STEAP4: variants seen among roughly 807,000 people sequenced by gnomAD.
The protein encoded by STEAP4 is STEAP4 metalloreductase.
A neutral mutation model predicts 43.6 loss-of-function variants in STEAP4; 36 were observed. The ratio of observed to expected loss-of-function variants is 0.83; its 90% CI spans 0.63 to 1.09. The LOEUF (loss-of-function observed/expected upper bound fraction) is 1.09, where lower values mean the gene tolerates loss of function less well. Among genes scored for constraint, STEAP4 ranks in the 50% least tolerant of loss-of-function variants. The pLI is 0.00. For missense variants in STEAP4, 495 were observed against 546.5 expected (o/e 0.91, Z 0.94); for synonymous variants, 191 against 196.7 (o/e 0.97, Z 0.24).
In STEAP4 at chr7:88,283,868, A is replaced by T; in HGVS notation, c.402T>A (p.Phe134Leu). 1.2e-6 allele frequency: 2 copies of T among 1,614,146 alleles called. No individual in the cohort carries two copies. The highest frequency in any genetic ancestry group is 1.7e-6 in the Non-Finnish European group (2 of 1,180,030). Residue 134 changes from phenylalanine (F) to leucine (L), a missense_variant, in exon 2 of 5, where the codon TTT (phenylalanine) becomes TTA (leucine). Transcript: ENST00000380079. ...GGAGAGCCCAGGCTGAGATGGTGTTAAATGCTTTTACCACGTGGGCTCCTG... is the reference window on the plus strand; with the variant it reads ...GGAGAGCCCAGGCTGAGATGGTGTTTAATGCTTTTACCACGTGGGCTCCTG... ...LVPGAHVVKAFNTISAWALQS... is the reference protein window; with the variant it reads ...LVPGAHVVKALNTISAWALQS...
Position 88,280,210 on chromosome 7 carries a change from T to C in STEAP4, c.1150-582A>G, listed in dbSNP as rs114185924. Among the ~76,000 whole-genome samples the C allele has an allele frequency of 3.0e-3, 456 of 152,358 alleles. 3 individuals carry two copies. Among genetic ancestry groups the C allele is most frequent in the African/African-American group, 0.011 (442 of 41,584 alleles). Reference sequence around the variant, plus strand: ...ATTGCAAGACTTAAGATTCCAATAGTTCTATAAAATTCTAACCTAATTTTA... The same window carrying C: ...ATTGCAAGACTTAAGATTCCAATAGCTCTATAAAATTCTAACCTAATTTTA... On this transcript the variant is annotated intron_variant, in intron 4 of 4. Coordinates refer to ENST00000380079, the MANE Select transcript of STEAP4 (RefSeq NM_024636.4).
intron 4 of STEAP4, among the ~76,000 whole-genome samples, chr7:88,279,938 G>A (rs1257011712): frequency 6.6e-6 from 1 of 152,154 alleles, no homozygotes; most frequent in Non-Finnish European, 1.5e-5. Flanking sequence ...TCCCAAAGGT[G>A]AAACTCTTTT....
intron 1 of STEAP4, among the ~76,000 whole-genome samples, chr7:88,286,698 G>T (rs748203293): frequency 6.6e-6 from 1 of 151,908 alleles, no homozygotes; most frequent in Non-Finnish European, 1.5e-5. Context: ...GCAACAGAGT[G>T]AGACTCTGTC....
At position 88,277,264 on chromosome 7, in the gene STEAP4, C is replaced by T. The variant is rs1852526946; in HGVS notation, c.*2134G>A. 1 of 152,154 alleles carries T rather than the reference C, an allele frequency of 6.6e-6. No homozygotes were observed. Among genetic ancestry groups the T allele is most frequent in the Non-Finnish European group, 1.5e-5 (1 of 68,038 alleles). 9.4% of individuals were successfully genotyped at this position (152,154 alleles called of 1,614,324 possible). A position where few individuals can be genotyped will look rare whatever the true frequency, so the allele number is the denominator to read the frequency against. ...CTCAATGTCGTCCAACTTTTTGTAT[C>T]CTTGCTTGGGTTTATCAAAGATAAG... On this transcript the variant is annotated 3_prime_UTR_variant, in exon 5 of 5. Coordinates refer to ENST00000380079, the MANE Select transcript of STEAP4 (RefSeq NM_024636.4).
At position 88,278,744 on chromosome 7, in the gene STEAP4, C is replaced by T. The variant is rs1001851649; in HGVS notation, c.*654G>A. 1.3e-5 allele frequency: 2 copies of T among 152,778 alleles called. No individual in the cohort carries two copies. Among genetic ancestry groups the T allele is most frequent in the African/African-American group, 4.8e-5 (2 of 41,398 alleles). 9.5% of individuals were successfully genotyped at this position (152,778 alleles called of 1,614,324 possible). A position where few individuals can be genotyped will look rare whatever the true frequency, so the allele number is the denominator to read the frequency against. On this transcript the variant is annotated 3_prime_UTR_variant, in exon 5 of 5. Coordinates refer to ENST00000380079, the MANE Select transcript of STEAP4 (RefSeq NM_024636.4). ...GAATTACATGCCAGCTCTATAGATACGTATGTATCCAAGACATGGATACTT... is the reference window on the plus strand; with the variant it reads ...GAATTACATGCCAGCTCTATAGATATGTATGTATCCAAGACATGGATACTT...
At chr7:88,288,653 A>G (rs1852781380) in intron 1 of STEAP4, among the ~76,000 whole-genome samples, 1 of 152,232 alleles carries the variant, frequency 6.6e-6, no homozygotes, top group African/African-American at 2.4e-5. Context: ...GCAATGTCAT[A>G]ATGAAGATAA....
In STEAP4 at chr7:88,276,571, A is replaced by G. The variant is rs1852516419; in HGVS notation, c.*2827T>C. ...TATCAGCAGTAAAGAAGTTTAGTTT[A>G]ACTTTTTTTTTAAATGTAAAATAGT... is the stretch of plus-strand genomic sequence containing the variant. On this transcript the variant is annotated 3_prime_UTR_variant, in exon 5 of 5. Coordinates refer to ENST00000380079, the MANE Select transcript of STEAP4 (RefSeq NM_024636.4). 6.6e-6 allele frequency: 1 copy of G among 152,332 alleles called. No homozygotes were observed. Among genetic ancestry groups the G allele is most frequent in the Admixed American group, 6.5e-5 (1 of 15,288 alleles). 9.4% of individuals were successfully genotyped at this position (152,332 alleles called of 1,614,324 possible).
At chr7:88,284,961 T>G (rs1255201487) in intron 1 of STEAP4, among the ~76,000 whole-genome samples, 1 of 151,988 alleles carries the variant, frequency 6.6e-6, no homozygotes, top group Non-Finnish European at 1.5e-5. Flanking sequence ...TCCAACAAAG[T>G]CAGGAACCAG....
rs1437378511 is a variant in STEAP4, at chr7:88,274,712, G to A, written c.*4686C>T. On this transcript the variant is annotated 3_prime_UTR_variant, in exon 5 of 5. Transcript: ENST00000380079. ...AGTTATAGTTATTTCTTGATTATAT[G>A]CTAAACAAGGGATGGATTATTCATG... The A allele has an allele frequency of 6.6e-6, 1 of 152,194 alleles. No individual in the cohort carries two copies. Among genetic ancestry groups the A allele is most frequent in the East Asian group, 1.9e-4 (1 of 5,198 alleles). 9.4% of individuals were successfully genotyped at this position (152,194 alleles called of 1,614,324 possible).
In STEAP4 at chr7:88,282,983, C is replaced by T. The variant is rs780142342; in HGVS notation, c.642G>A (p.Leu214=). The stretch of plus-strand genomic sequence containing the variant: ...CGTCTCTTATAACACAATAGAAAAA[C>T]AAGAAGACACACAGCACAGCAGACA... ...FYLSAVLCVF[L]FFYCVIRDVI... Residue 214 remains leucine (L), a synonymous_variant, in exon 3 of 5, where the codon TTG becomes TTA. Coordinates refer to ENST00000380079, the MANE Select transcript of STEAP4 (RefSeq NM_024636.4). The T allele has an allele frequency of 6.2e-7, 1 of 1,613,314 alleles. No homozygotes were observed. The highest frequency in any genetic ancestry group is 1.1e-5 in the South Asian group (1 of 90,952).
At chr7:88,298,120 C>T (rs945452088) in intron 1 of STEAP4, among the ~76,000 whole-genome samples, 8 of 151,850 alleles carry the variant, frequency 5.3e-5, no homozygotes, top group Non-Finnish European at 1.0e-4. Flanking sequence ...TAAGTTGAAC[C>T]ATTAACTTAC....
chr7:88,283,141 C>G lies in STEAP4; in HGVS notation c.484G>C (p.Ala162Pro). 1.3e-6 allele frequency: 2 copies of G among 1,559,650 alleles called. No homozygotes were observed. Among genetic ancestry groups the G allele is most frequent in the Non-Finnish European group, 1.7e-6 (2 of 1,155,128 alleles). ...QVFVCGNDSK[A>P]KQRVMDIVRN... The stretch of plus-strand genomic sequence containing the variant: ...ACAATATCCATCACTCTTTGCTTGG[C>G]TTTGCTGTCATTTCCACACACAAAC... The change falls in exon 3 of 5, where the codon GCC (alanine) becomes CCC (proline). Residue 162 changes from alanine to proline, a missense_variant. Transcript: ENST00000380079.
chr7:88,291,441 C>T (rs905696676), intron 1 of STEAP4, among the ~76,000 whole-genome samples: 3 of 150,208 alleles, frequency 2.0e-5, no homozygotes, highest in African/African-American at 7.4e-5. Flanking sequence ...GAGCCGAGAT[C>T]GCACTGCTGC....
intron 3 of STEAP4, 50 bp downstream of exon 3, chr7:88,282,591 A>G (rs1369258750): frequency 6.7e-7 from 1 of 1,499,612 alleles, no homozygotes; most frequent in African/African-American, 1.4e-5. Flanking sequence ...ATGATGTAGC[A>G]ATAGTCTCTG....
At chr7:88,280,322 C>G (rs971532688) in intron 4 of STEAP4, among the ~76,000 whole-genome samples, 1 of 152,146 alleles carries the variant, frequency 6.6e-6, no homozygotes, top group Admixed American at 6.5e-5. Flanking sequence ...GCCACAGGTT[C>G]AGAGTTTCTG....
intron 4 of STEAP4, 44 bp from the exon 5 acceptor site, chr7:88,279,672 T>A (rs1434543865): frequency 3.4e-6 from 5 of 1,478,398 alleles, no homozygotes; most frequent in African/African-American, 2.8e-5. Flanking sequence ...ATTATTTACA[T>A]CTTAAAGTGA....
intron 1 of STEAP4, among the ~76,000 whole-genome samples, chr7:88,286,802 CACACACGCAA>C (rs1391296942): frequency 2.7e-5 from 3 of 110,888 alleles, no homozygotes; most frequent in African/African-American, 8.8e-5. Context: ...CACACACACA[CACACACGCAA>C]ACAATGTAAG....
chr7:88,300,865 C>A (rs182370755), intron 1 of STEAP4, among the ~76,000 whole-genome samples: 2 of 148,500 alleles, frequency 1.3e-5, no homozygotes, highest in African/African-American at 4.9e-5. Flanking sequence ...CACCTTCTTA[C>A]AAGGCTCCTA....
At chr7:88,286,764 AACACACACACAC>A (rs61360123) in intron 1 of STEAP4, among the ~76,000 whole-genome samples, 18 of 133,840 alleles carry the variant, frequency 1.3e-4, no homozygotes, top group South Asian at 5.0e-4. Flanking sequence ...CATACATATA[AACACACACACAC>A]ACACACACAC....
Sources: gnomAD v4.1 joint callset for allele counts (sites outside exome capture counted in the v4.1 genomes callset) on GRCh38, gnomAD v4.1.1 for gene constraint, MANE v1.5 for transcripts, NCBI Gene and HGNC (gene_info 2026-07-23, HGNC 2026-07-21) for gene names.